STARD13: variants seen among roughly 807,000 people sequenced by gnomAD.
STARD13 encodes the protein StAR related lipid transfer domain containing 13, also known as stAR-related lipid transfer protein 13.
STARD13 carries 62 observed loss-of-function variants against 106.4 expected under a neutral mutation model. The observed-to-expected ratio is 0.58, with a 90% CI of 0.48 to 0.72. STARD13 has a LOEUF of 0.72. STARD13 is among the 30% of genes least tolerant of loss of function. The pLI is 0.00. For missense variants in STARD13, 1,387 were observed against 1,424.0 expected (o/e 0.97, Z 0.42); for synonymous variants, 565 against 553.0 (o/e 1.02, Z -0.31).
intron 12 of STARD13, among the ~76,000 whole-genome samples, chr13:33,108,527 T>C (rs559188409): frequency 2.4e-4 from 37 of 152,356 alleles, no homozygotes; most frequent in Non-Finnish European, 3.8e-4. Context: ...CCCATCTCCC[T>C]TTCTTATTTT....
At chr13:33,651,898 C>G in the STARD13 span, among the ~76,000 whole-genome samples, 5 of 152,178 alleles carry the variant, frequency 3.3e-5, no homozygotes, top group African/African-American at 9.7e-5. Context: ...ACCAAGGCAT[C>G]AGGGATGTGA....
the STARD13 span, among the ~76,000 whole-genome samples, chr13:33,562,814 A>G: frequency 2.0e-5 from 3 of 147,206 alleles, no homozygotes; most frequent in South Asian, 6.4e-4. Flanking sequence ...ATTACAGACA[A>G]CTTCCTAGCA....
chr13:33,600,134 A>T, the STARD13 span, among the ~76,000 whole-genome samples: 6 of 152,302 alleles, frequency 3.9e-5, no homozygotes, highest in South Asian at 1.2e-3. Flanking sequence ...TCAAATTGTG[A>T]AGAAATAATC....
At chr13:33,431,224 C>T in the STARD13 span, among the ~76,000 whole-genome samples, 11 of 151,916 alleles carry the variant, frequency 7.2e-5, no homozygotes, top group South Asian at 1.5e-3. Context: ...GATAAAACAT[C>T]GTTTAATAAA....
At chr13:33,149,878 G>A (rs1881043056) in intron 3 of STARD13, among the ~76,000 whole-genome samples, 1 of 152,170 alleles carries the variant, frequency 6.6e-6, no homozygotes, top group Non-Finnish European at 1.5e-5. Context: ...CTGCATTTAG[G>A]ACAAATATTT....
rs1264833763 is a variant in STARD13, at chr13:33,126,109, C to G, written c.2054G>C (p.Arg685Thr). The G allele has an allele frequency of 1.9e-6, 3 of 1,614,022 alleles. No homozygotes were observed. The African/African-American group carries it at 4.0e-5, about 22-fold the overall frequency. ...PLPQSIQQAL[R>T]YLRSNCLDQV... Reference sequence around the variant, plus strand: ...ATCGAGGCAGTTGCTGCGTAGATATCTCAGTGCTTGCTGAATACTTTGAGG... The same window carrying G: ...ATCGAGGCAGTTGCTGCGTAGATATGTCAGTGCTTGCTGAATACTTTGAGG... Residue 685 changes from arginine (R) to threonine (T), a missense_variant, in exon 7 of 14, where the codon AGA (arginine) becomes ACA (threonine). By Grantham distance (71) the Arg-to-Thr change is moderately conservative (BLOSUM62 -1). Transcript: ENST00000336934.
chr13:33,582,907 T>G, the STARD13 span, among the ~76,000 whole-genome samples: 1 of 152,198 alleles, frequency 6.6e-6, no homozygotes, highest in Non-Finnish European at 1.5e-5. Context: ...GAATCACATT[T>G]CTCATATTGC....
At chr13:33,211,833 G>GTGTGTGTA (rs1566077000) in intron 1 of STARD13, among the ~76,000 whole-genome samples, 2 of 150,576 alleles carry the variant, frequency 1.3e-5, no homozygotes, top group African/African-American at 2.4e-5. Flanking sequence ...GTGTATGTGT[G>GTGTGTGTA]TGTGTGTGTG....
chr13:33,177,275 A>G (rs921905576), intron 1 of STARD13, among the ~76,000 whole-genome samples: 4 of 152,242 alleles, frequency 2.6e-5, no homozygotes, highest in African/African-American at 9.6e-5. Context: ...GTGGCTTAAA[A>G]TTCCTAAATG....
chr13:33,175,467 C>T (rs1459230622), intron 1 of STARD13, among the ~76,000 whole-genome samples: 1 of 152,146 alleles, frequency 6.6e-6, no homozygotes, highest in Non-Finnish European at 1.5e-5. Context: ...CTTCAGTAAC[C>T]CTTCTTGGGA....
the STARD13 span, among the ~76,000 whole-genome samples, chr13:33,489,535 C>T: frequency 3.9e-5 from 6 of 152,156 alleles, no homozygotes; most frequent in African/African-American, 1.2e-4. Context: ...TTATGTGGGT[C>T]AAGTCCAATC....
At chr13:33,448,481 T>C in the STARD13 span, among the ~76,000 whole-genome samples, 52 of 152,294 alleles carry the variant, frequency 3.4e-4, no homozygotes, top group African/African-American at 1.2e-3. Context: ...GTATATATAC[T>C]GTATTTTTAA....
At chr13:33,462,900 T>C in the STARD13 span, among the ~76,000 whole-genome samples, 1 of 152,150 alleles carries the variant, frequency 6.6e-6, no homozygotes, top group South Asian at 2.1e-4. Context: ...ATACTTAGCA[T>C]CATTCAGTCC....
intron 1 of STARD13, among the ~76,000 whole-genome samples, chr13:33,321,260 C>T (rs1893548671): frequency 6.6e-6 from 1 of 152,092 alleles, no homozygotes; most frequent in Admixed American, 6.6e-5. Context: ...AACCCCAGCA[C>T]TTTAGGAGGC....
chr13:33,350,663 T>C, upstream of STARD13: 1 of 1,225,000 alleles, frequency 8.2e-7, no homozygotes, highest in Non-Finnish European at 1.0e-6. Context: ...TCTACTCCTT[T>C]CCCACTTTCC....
the STARD13 span, among the ~76,000 whole-genome samples, chr13:33,664,249 T>C: frequency 6.6e-6 from 1 of 152,202 alleles, no homozygotes; most frequent in Non-Finnish European, 1.5e-5. Context: ...CCCATTTCCT[T>C]TTTTGTGGTC....
intron 1 of STARD13, among the ~76,000 whole-genome samples, chr13:33,213,134 G>C (rs1359835829): frequency 6.6e-6 from 1 of 152,180 alleles, no homozygotes; most frequent in Non-Finnish European, 1.5e-5. Context: ...AGTAATGCCA[G>C]CTGGGTACAT....
intron 1 of STARD13, among the ~76,000 whole-genome samples, chr13:33,181,800 T>C (rs1047069959): frequency 2.0e-5 from 3 of 152,240 alleles, no homozygotes; most frequent in African/African-American, 7.2e-5. Flanking sequence ...ACTAGGATTG[T>C]TGCTTCTGCT....
intron 11 of STARD13, 51 bp downstream of exon 11, chr13:33,110,635 T>C: frequency 6.7e-7 from 1 of 1,494,022 alleles, no homozygotes; most frequent in Non-Finnish European, 9.3e-7. Flanking sequence ...AAATGTCTGA[T>C]TGTTAGCTGT....
Sources: gnomAD v4.1 joint callset for allele counts (sites outside exome capture counted in the v4.1 genomes callset) on GRCh38, gnomAD v4.1.1 for gene constraint, MANE v1.5 for transcripts, NCBI Gene and HGNC (gene_info 2026-07-23, HGNC 2026-07-21) for gene names.